FZD3: variants seen among roughly 807,000 people sequenced by gnomAD.
FZD3 encodes frizzled class receptor 3.
Under a neutral mutation model 60.7 loss-of-function variants are expected in FZD3, and 30 were observed. The observed-to-expected ratio is 0.49, with a 90% CI of 0.37 to 0.67. The LOEUF (loss-of-function observed/expected upper bound fraction) is 0.67, where lower values mean the gene tolerates loss of function less well. Among genes scored for constraint, FZD3 ranks in the 30% least tolerant of loss-of-function variants. The probability of loss-of-function intolerance (pLI) is 0.00; values close to 1 mark genes in which losing one functional copy is unlikely to be tolerated. For missense variants in FZD3, 605 were observed against 838.7 expected (o/e 0.72, Z 3.44); for synonymous variants, 246 against 275.2 (o/e 0.89, Z 1.05).
intron 5 of FZD3, among the ~76,000 whole-genome samples, chr8:28,540,452 C>G (rs1379810765): frequency 3.3e-5 from 5 of 152,168 alleles, no homozygotes; most frequent in African/African-American, 9.7e-5. Flanking sequence ...GCCTTGAACT[C>G]CTGACCTCAG....
chr8:28,498,788 CTCCTGGCCTCAAAT>C (rs1301172698), intron 1 of FZD3, among the ~76,000 whole-genome samples: 1 of 152,178 alleles, frequency 6.6e-6, no homozygotes, highest in East Asian at 1.9e-4. Context: ...TGGTCTCAAA[CTCCTGGCCTCAAAT>C]GATCTGCATG....
Position 28,527,147 on chromosome 8 carries a change from G to T in FZD3, c.387G>T (p.Arg129Ser). 2 of 1,593,920 alleles carry T rather than the reference G, an allele frequency of 1.3e-6. No homozygotes were observed. The highest frequency in any genetic ancestry group is 2.3e-5 in the South Asian group (2 of 87,374). ...VPWPEDMECS[R>S]FPDCDEPYPR... ...GTTCTCATCTTGTTTTGTTTTTTAG[G>T]TTCCCAGATTGTGATGAGCCATATC... Residue 129 changes from arginine to serine, a missense_variant and splice_region_variant, in exon 5 of 8, where the codon AGG (arginine) becomes AGT (serine). Coordinates refer to ENST00000240093, the MANE Select transcript of FZD3 (RefSeq NM_017412.4). This position sits in a 1 kb window ranked among gnomAD's most constrained non-coding sequence, Gnocchi z 5.0.
rs1313664034 is a variant in FZD3 at position 28,565,380 on chromosome 8, T to G, written c.*2369T>G. 1 of 152,176 alleles carries G rather than the reference T, an allele frequency of 6.6e-6. No individual in the cohort carries two copies. Among genetic ancestry groups the G allele is most frequent in the Non-Finnish European group, 1.5e-5 (1 of 68,008 alleles). The allele number at this position is 152,176 out of a possible 1,614,324, so 9.4% of individuals were successfully genotyped here. A position where few individuals can be genotyped will look rare whatever the true frequency, so the allele number is the denominator to read the frequency against. The stretch of plus-strand genomic sequence containing the variant: ...ATATAACAACTTATTTATCAATAAT[T>G]CATGAAGCTTTTGTCTGAGAATCTC... On this transcript the variant is annotated 3_prime_UTR_variant, in exon 8 of 8. Coordinates refer to ENST00000240093, the MANE Select transcript of FZD3 (RefSeq NM_017412.4).
In FZD3 at chr8:28,555,975, A is replaced by G. The variant is rs1585193145; in HGVS notation, c.1787+4A>G. Reference sequence around the variant, plus strand: ...TCCACAGATCACGTGATGGCAGGTGAGTTTTGTTAGTAGTGTAGTTTATTT... The same window carrying G: ...TCCACAGATCACGTGATGGCAGGTGGGTTTTGTTAGTAGTGTAGTTTATTT... On this transcript the variant is annotated splice_donor_region_variant and intron_variant, in intron 7 of 7. Transcript: ENST00000240093. The G allele has an allele frequency of 6.4e-7, 1 of 1,559,240 alleles. No homozygotes were observed. Among genetic ancestry groups the G allele is most frequent in the East Asian group, 2.2e-5 (1 of 44,578 alleles).
rs1169821083 is a variant in FZD3 at position 28,570,643 on chromosome 8, A to T, written c.*7632A>T. ...CTATCTCAAAAAAAAAAAAAGAAAA[A>T]AAAAAAAGTAGAGATTGCATTAGTT... On this transcript the variant is annotated 3_prime_UTR_variant, in exon 8 of 8. Coordinates refer to ENST00000240093, the MANE Select transcript of FZD3 (RefSeq NM_017412.4). The T allele has an allele frequency of 6.6e-6, 1 of 152,472 alleles. No individual in the cohort carries two copies. Among genetic ancestry groups the T allele is most frequent in the Non-Finnish European group, 1.5e-5 (1 of 68,458 alleles). The allele number at this position is 152,472 out of a possible 1,614,324, so 9.4% of individuals were successfully genotyped here. A position where few individuals can be genotyped will look rare whatever the true frequency, so the allele number is the denominator to read the frequency against.
At chr8:28,509,271 G>A (rs919411291) in intron 3 of FZD3, among the ~76,000 whole-genome samples, 1 of 151,092 alleles carries the variant, frequency 6.6e-6, no homozygotes, top group Non-Finnish European at 1.5e-5. Context: ...CCACCTAAAG[G>A]CAGTCATTTT....
chr8:28,541,003 T>C (rs1805152390), intron 5 of FZD3, among the ~76,000 whole-genome samples: 1 of 152,192 alleles, frequency 6.6e-6, no homozygotes, highest in African/African-American at 2.4e-5. Context: ...CTAAACACTG[T>C]ATCCCATTTC....
intron 5 of FZD3, among the ~76,000 whole-genome samples, chr8:28,545,884 A>G (rs1185743231): frequency 6.6e-6 from 1 of 152,316 alleles, no homozygotes; most frequent in East Asian, 1.9e-4. Flanking sequence ...GTTTCAGTCA[A>G]CCGTAGACCG....
intron 1 of FZD3, among the ~76,000 whole-genome samples, chr8:28,497,728 G>C (rs542392970): frequency 6.6e-6 from 1 of 152,300 alleles, no homozygotes; most frequent in South Asian, 2.1e-4. Flanking sequence ...TAGAGTTGCT[G>C]AACATAATCT....
chr8:28,509,288 G>C (rs982288807), intron 3 of FZD3, among the ~76,000 whole-genome samples: 1 of 151,432 alleles, frequency 6.6e-6, no homozygotes, highest in Non-Finnish European at 1.5e-5. Context: ...TTTTTTAAAA[G>C]TTTTTATCCT....
intron 5 of FZD3, among the ~76,000 whole-genome samples, chr8:28,538,977 A>G (rs1175176034): frequency 2.6e-5 from 4 of 152,056 alleles, no homozygotes; most frequent in Non-Finnish European, 5.9e-5. Context: ...TGGAAATCAG[A>G]TGGTTCTGTG....
Position 28,527,199 on chromosome 8 carries a change from G to A in FZD3, c.439G>A (p.Gly147Arg). 6.2e-7 allele frequency: 1 copy of A among 1,613,670 alleles called. No homozygotes were observed. Among genetic ancestry groups the A allele is most frequent in the Non-Finnish European group, 8.5e-7 (1 of 1,179,766 alleles). ...TCGACTTGTGGATCTGAATTTAGCT[G>A]GAGAACCAACTGAAGGAGCCCCAGT... ...YPRLVDLNLA[G>R]EPTEGAPVAV... is the part of the protein sequence containing the mutation. The change falls in exon 5 of 8, where the codon GGA (glycine) becomes AGA (arginine). Residue 147 changes from glycine to arginine, a missense_variant. Transcript: ENST00000240093. This position sits in a 1 kb window ranked among gnomAD's most constrained non-coding sequence, Gnocchi z 5.0.
chr8:28,532,118 A>G (rs1804891724), intron 5 of FZD3, among the ~76,000 whole-genome samples: 1 of 152,250 alleles, frequency 6.6e-6, no homozygotes, highest in African/African-American at 2.4e-5. Context: ...TTGTAATGCA[A>G]CCTCTGTCAT....
At chr8:28,540,375 G>A (rs1026980673) in intron 5 of FZD3, among the ~76,000 whole-genome samples, 6 of 151,904 alleles carry the variant, frequency 3.9e-5, no homozygotes, top group Non-Finnish European at 7.4e-5. Context: ...GATTACAGGC[G>A]CCCACCACCA....
intron 5 of FZD3, among the ~76,000 whole-genome samples, chr8:28,546,486 AATTT>A (rs1805295991): frequency 4.6e-5 from 7 of 152,128 alleles, no homozygotes; most frequent in Admixed American, 4.6e-4. Context: ...GATGTACCAT[AATTT>A]ATTTAAACAA....
intron 3 of FZD3, among the ~76,000 whole-genome samples, 168 bp from the exon 4 acceptor site, chr8:28,520,469 AG>A (rs1238808973): frequency 6.6e-6 from 1 of 152,184 alleles, no homozygotes; most frequent in Non-Finnish European, 1.5e-5. Context: ...AGAATCTTCA[AG>A]GGTAGGGCTA....
intron 5 of FZD3, among the ~76,000 whole-genome samples, chr8:28,550,888 T>C (rs1432491030): frequency 6.6e-6 from 1 of 152,168 alleles, no homozygotes; most frequent in East Asian, 1.9e-4. Context: ...ATTTAAGGCT[T>C]TTTGTTCTAT....
At position 28,573,208 on chromosome 8, in the gene FZD3, C is replaced by T. The variant is rs1265810039; in HGVS notation, c.*10197C>T. ...TCTTATCAATACTTCCAAAATATAA[C>T]CTATCTCAAGTGTTAGAAATTTGCT... On this transcript the variant is annotated 3_prime_UTR_variant, in exon 8 of 8. Coordinates refer to ENST00000240093, the MANE Select transcript of FZD3 (RefSeq NM_017412.4). The T allele has an allele frequency of 6.6e-6, 1 of 152,058 alleles. No individual in the cohort carries two copies. The highest frequency in any genetic ancestry group is 2.4e-5 in the African/African-American group (1 of 41,400). 9.4% of individuals were successfully genotyped at this position (152,058 alleles called of 1,614,324 possible). A position where few individuals can be genotyped will look rare whatever the true frequency, so the allele number is the denominator to read the frequency against.
chr8:28,535,251 G>T (rs1025351964), intron 5 of FZD3, among the ~76,000 whole-genome samples: 1 of 151,902 alleles, frequency 6.6e-6, no homozygotes, highest in African/African-American at 2.4e-5. Flanking sequence ...AAATAAAATT[G>T]TAGGTTTTAG....
Sources: allele counts gnomAD v4.1 joint callset (sites outside exome capture counted in the v4.1 genomes callset), GRCh38; gene constraint gnomAD v4.1.1; non-coding constraint Gnocchi (gnomAD v3.1); transcripts MANE v1.5; gene names NCBI Gene and HGNC (gene_info 2026-07-23, HGNC 2026-07-21).